The following PIEZO2 variants were observed in gnomAD, a reference collection of about 807,000 sequenced individuals.
The protein encoded by PIEZO2 is piezo type mechanosensitive ion channel component 2.
PIEZO2 carries 172 observed loss-of-function variants against 337.3 expected under a neutral mutation model. That is an observed-to-expected ratio of 0.51 (90% CI 0.45 to 0.58). The LOEUF is 0.58. Among genes scored for constraint, PIEZO2 ranks in the 20% least tolerant of loss-of-function variants. The pLI is 0.00. For synonymous variants in PIEZO2, 1,251 were observed against 1,228.5 expected (o/e 1.02, Z -0.38); for missense variants, 3,028 against 3,391.3 (o/e 0.89, Z 2.66).
intron 3 of PIEZO2, among the ~76,000 whole-genome samples, chr18:10,978,060 C>T (rs934910162): frequency 3.9e-5 from 6 of 152,104 alleles, no homozygotes; most frequent in African/African-American, 7.2e-5. Context: ...TGGTGGCTCA[C>T]GCCTGTAATC....
chr18:11,139,103 C>T (rs919414005), intron 1 of PIEZO2, among the ~76,000 whole-genome samples: 27 of 152,156 alleles, frequency 1.8e-4, no homozygotes, highest in Admixed American at 1.0e-3. Flanking sequence ...GAGTATTTAC[C>T]GTATGTCGGG....
intron 2 of PIEZO2, among the ~76,000 whole-genome samples, chr18:11,062,413 T>A (rs1447780911): frequency 6.6e-6 from 1 of 152,066 alleles, no homozygotes; most frequent in Non-Finnish European, 1.5e-5. Flanking sequence ...ACAAATGGGA[T>A]CTAATTTAAC....
chr18:10,931,729 A>C (rs1179636910), intron 3 of PIEZO2, among the ~76,000 whole-genome samples: 1 of 151,626 alleles, frequency 6.6e-6, no homozygotes, highest in African/African-American at 2.4e-5. Context: ...AGAGAGAGAG[A>C]GAGAGAGAGA....
At chr18:10,720,014 T>C (rs2036189759) in intron 36 of PIEZO2, among the ~76,000 whole-genome samples, 1 of 152,062 alleles carries the variant, frequency 6.6e-6, no homozygotes, top group African/African-American at 2.4e-5. Flanking sequence ...GTTGTCATAC[T>C]GTTGCTCTGA....
intron 3 of PIEZO2, among the ~76,000 whole-genome samples, chr18:10,913,904 T>C (rs2030698824): frequency 6.6e-6 from 1 of 152,104 alleles, no homozygotes; most frequent in Admixed American, 6.5e-5. Context: ...CATCTTAACA[T>C]GCTAGGTATG....
intron 1 of PIEZO2, among the ~76,000 whole-genome samples, chr18:11,142,778 C>CAAAAA (rs11290889): frequency 0.016 from 1,818 of 115,938 alleles, 53 homozygotes; most frequent in Admixed American, 0.052. Context: ...GAGATTATCG[C>CAAAAA]AAAAAAAAAA....
At chr18:11,114,333 G>A (rs1217304573) in intron 1 of PIEZO2, among the ~76,000 whole-genome samples, 1 of 152,128 alleles carries the variant, frequency 6.6e-6, no homozygotes, top group South Asian at 2.1e-4. Context: ...CAAGAAAGAG[G>A]CATGTACAAC....
intron 1 of PIEZO2, among the ~76,000 whole-genome samples, chr18:11,072,213 T>A (rs1320692026): frequency 6.6e-6 from 1 of 152,168 alleles, no homozygotes; most frequent in African/African-American, 2.4e-5. Context: ...CATTACTGTA[T>A]CTGCTCCAGA....
At chr18:10,826,003 A>G (rs189161577) in intron 7 of PIEZO2, among the ~76,000 whole-genome samples, 5 of 152,332 alleles carry the variant, frequency 3.3e-5, no homozygotes, top group Admixed American at 6.5e-5. Context: ...ACTTATATCA[A>G]TATAAACTCA....
At chr18:11,082,719 G>A (rs192907666) in intron 1 of PIEZO2, among the ~76,000 whole-genome samples, 1 of 152,320 alleles carries the variant, frequency 6.6e-6, no homozygotes, top group East Asian at 1.9e-4. Flanking sequence ...GTGTGTATGT[G>A]TGAGTGTGTG....
chr18:10,804,049 C>T (rs2039916167), intron 8 of PIEZO2, 55 bp from the exon 9 acceptor site: 1 of 1,523,720 alleles, frequency 6.6e-7, no homozygotes, highest in Admixed American at 2.0e-5. Flanking sequence ...CCTAGACAGC[C>T]TGGGTGGCCA....
At chr18:10,946,680 G>A (rs989958115) in intron 3 of PIEZO2, among the ~76,000 whole-genome samples, 3 of 152,224 alleles carry the variant, frequency 2.0e-5, no homozygotes, top group Admixed American at 1.3e-4. Flanking sequence ...GGGCTTAGTG[G>A]AAAGCTGAAC....
At chr18:10,865,341 G>C (rs1346230879) in intron 5 of PIEZO2, among the ~76,000 whole-genome samples, 1 of 152,324 alleles carries the variant, frequency 6.6e-6, no homozygotes, top group Non-Finnish European at 1.5e-5. Flanking sequence ...CAATTGGATA[G>C]GGTAAGAAGG....
chr18:11,136,239 T>C (rs2040483836), intron 1 of PIEZO2, among the ~76,000 whole-genome samples: 1 of 152,214 alleles, frequency 6.6e-6, no homozygotes, highest in Non-Finnish European at 1.5e-5. Flanking sequence ...TCTAAGGTGA[T>C]GCAATGGCAA....
At chr18:10,720,283 A>G (rs531016395) in intron 36 of PIEZO2, among the ~76,000 whole-genome samples, 2,071 of 128,414 alleles carry the variant, frequency 0.016, 123 homozygotes, top group African/African-American at 0.063. Flanking sequence ...GAATACATAT[A>G]TCATATGTAT....
rs1005025073 is a variant in PIEZO2, at chr18:10,677,169, C to T, written c.8081+578G>A. Among the ~76,000 whole-genome samples, 3 of 152,302 alleles carry T rather than the reference C, an allele frequency of 2.0e-5. No homozygotes were observed. The highest frequency in any genetic ancestry group is 2.0e-4 in the Admixed American group (3 of 15,306). ...CCAGCACTTTCCATGCACTGATGAG[C>T]TCCCTGTAGCCTGGCACCATACAAA... On this transcript the variant is annotated intron_variant, in intron 53 of 55. Transcript: ENST00000674853. The surrounding 1 kb of genome is among the most constrained non-coding windows in gnomAD (Gnocchi z 4.1).
rs185322783 is a variant in PIEZO2, at chr18:10,797,542, A to G, written c.1379-20T>C. The G allele has an allele frequency of 4.0e-5, 61 of 1,534,976 alleles. No individual in the cohort carries two copies. Among genetic ancestry groups the G allele is most frequent in the Non-Finnish European group, 5.1e-5 (58 of 1,146,316 alleles). ...GCTTTTCTAGATGGACGAATACTTTATTTAACTATTTATGCAAACATGTGA... is the reference window on the plus strand; with the variant it reads ...GCTTTTCTAGATGGACGAATACTTTGTTTAACTATTTATGCAAACATGTGA... On this transcript the variant is annotated intron_variant, in intron 11 of 55. Coordinates refer to ENST00000674853, the MANE Select transcript of PIEZO2 (RefSeq NM_001378183.1).
At chr18:10,806,828 C>T (rs945942337) in intron 8 of PIEZO2, among the ~76,000 whole-genome samples, 2 of 152,134 alleles carry the variant, frequency 1.3e-5, no homozygotes, top group African/African-American at 4.8e-5. Flanking sequence ...TAATGTATGA[C>T]ATGGCATATT....
At chr18:11,056,722 A>T (rs1219035178) in intron 2 of PIEZO2, among the ~76,000 whole-genome samples, 1 of 151,906 alleles carries the variant, frequency 6.6e-6, no homozygotes, top group African/African-American at 2.4e-5. Context: ...GACCTTCAGG[A>T]GAAGGTCCAG....
Sources: gnomAD v4.1 joint callset for allele counts (sites outside exome capture counted in the v4.1 genomes callset) on GRCh38, gnomAD v4.1.1 for gene constraint, Gnocchi (gnomAD v3.1) non-coding constraint, MANE v1.5 for transcripts, NCBI Gene and HGNC (gene_info 2026-07-23, HGNC 2026-07-21) for gene names.